The following ARHGEF10 variants were observed in gnomAD, a reference collection of about 807,000 sequenced individuals.
ARHGEF10 encodes Rho guanine nucleotide exchange factor (GEF) 10.
A neutral mutation model predicts 147.4 loss-of-function variants in ARHGEF10; 140 were observed. That is an observed-to-expected ratio of 0.95 (90% CI 0.83 to 1.09). ARHGEF10 has a LOEUF of 1.09. Among genes scored for constraint, ARHGEF10 ranks in the 50% least tolerant of loss-of-function variants. The pLI, the probability that ARHGEF10 is intolerant of heterozygous loss-of-function variation, is 0.00. For synonymous variants in ARHGEF10, 902 were observed against 695.8 expected (o/e 1.30, Z -4.67); for missense variants, 2,222 against 1,752.7 (o/e 1.27, Z -4.78).
Position 1,885,625 on chromosome 8 carries a change from A to G in ARHGEF10, c.1100A>G (p.Glu367Gly). The change falls in exon 11 of 29, where the codon GAA becomes GGA. Residue 367 changes from glutamate (E) to glycine (G), a missense_variant. Coordinates refer to ENST00000349830, the MANE Select transcript of ARHGEF10 (RefSeq NM_014629.4). ...AQDHRSSLEE[E>G]QNLFIDVDCK... Reference sequence around the variant, plus strand: ...GATCACAGATCTTCTCTTGAGGAAGAACAGAATTTGTTCATTGATGTTGAC... The same window carrying G: ...GATCACAGATCTTCTCTTGAGGAAGGACAGAATTTGTTCATTGATGTTGAC... 1.2e-6 allele frequency: 2 copies of G among 1,613,872 alleles called. No homozygotes were observed. The highest frequency in any genetic ancestry group is 1.3e-5 in the African/African-American group (1 of 75,018).
rs201614564 is a variant in ARHGEF10 at position 1,888,172 on chromosome 8, A to G, written c.1182+2465A>G. On this transcript the variant is annotated intron_variant, in intron 11 of 28. Coordinates refer to ENST00000349830, the MANE Select transcript of ARHGEF10 (RefSeq NM_014629.4). Reference sequence around the variant, plus strand: ...AGTGGGGCGAGGGTTGCGAGGAGACAGTGAGTGGGGTGAGGGTTTGCGAGG... The same window carrying G: ...AGTGGGGCGAGGGTTGCGAGGAGACGGTGAGTGGGGTGAGGGTTTGCGAGG... Among the ~76,000 whole-genome samples the G allele has an allele frequency of 7.7e-5, 3 of 38,920 alleles. 1 individual carries two copies. The highest frequency in any genetic ancestry group is 5.7e-4 in the African/African-American group (3 of 5,258). 25.5% of individuals were successfully genotyped at this position (38,920 alleles called of 152,430 possible). A position where few individuals can be genotyped will look rare whatever the true frequency, so the allele number is the denominator to read the frequency against.
intron 18 of ARHGEF10, among the ~76,000 whole-genome samples, chr8:1,910,020 T>G (rs1563271701): frequency 2.0e-5 from 3 of 152,206 alleles, no homozygotes; most frequent in Admixed American, 6.5e-5. Flanking sequence ...TGATTTATGA[T>G]TATTATTACC....
chr8:1,839,322 TG>T (rs1479746933), intron 1 of ARHGEF10, among the ~76,000 whole-genome samples: 1 of 145,356 alleles, frequency 6.9e-6, no homozygotes, highest in Admixed American at 6.8e-5. Flanking sequence ...CTGTCTGGTG[TG>T]GGGACTGTCT....
At chr8:1,898,562 C>T (rs577217468) in intron 15 of ARHGEF10, 37 bp downstream of exon 15, 2 of 1,590,706 alleles carry the variant, frequency 1.3e-6, no homozygotes, top group African/African-American at 2.7e-5. Flanking sequence ...AGCTAGTCCT[C>T]TGGCTCGCCC....
At chr8:1,888,132 TGCGAGGAGACAC>T (rs1808882696) in intron 11 of ARHGEF10, among the ~76,000 whole-genome samples, 2 of 82,646 alleles carry the variant, frequency 2.4e-5, no homozygotes, top group East Asian at 1.1e-3. Flanking sequence ...GGTGAGGGTT[TGCGAGGAGACAC>T]TTAGTGGGGC....
intron 17 of ARHGEF10, among the ~76,000 whole-genome samples, chr8:1,906,198 G>C (rs1810877216): frequency 1.3e-5 from 2 of 152,206 alleles, no homozygotes; most frequent in South Asian, 4.1e-4. Flanking sequence ...ATTGTAGTGA[G>C]ATGAGGATAT....
chr8:1,832,629 GAC>G (rs1213962953), intron 1 of ARHGEF10, among the ~76,000 whole-genome samples: 2 of 106,948 alleles, frequency 1.9e-5, no homozygotes, highest in African/African-American at 3.7e-5. Context: ...GGCAGAGAGA[GAC>G]AGAGGCAGAG....
chr8:1,913,409 A>G (rs1464335360), intron 18 of ARHGEF10, among the ~76,000 whole-genome samples: 1 of 152,220 alleles, frequency 6.6e-6, no homozygotes, highest in East Asian at 1.9e-4. Flanking sequence ...TTGAAAGGAA[A>G]CACTCCTTCA....
intron 14 of ARHGEF10, 58 bp from the exon 15 acceptor site, chr8:1,898,375 G>A (rs1043791820): frequency 6.6e-7 from 1 of 1,506,514 alleles, no homozygotes; most frequent in African/African-American, 1.4e-5. Flanking sequence ...GGCGGCCCCA[G>A]GGGCAGGGAG....
intron 11 of ARHGEF10, among the ~76,000 whole-genome samples, chr8:1,888,134 C>CTGAGTGGGGCTGTAGGTTCT (rs1563233503): frequency 1.5e-5 from 1 of 68,562 alleles, no homozygotes; most frequent in Admixed American, 1.3e-4. Context: ...TGAGGGTTTG[C>CTGAGTGGGGCTGTAGGTTCT]GAGGAGACAC....
chr8:1,863,379 C>T (rs1037486182), intron 4 of ARHGEF10, among the ~76,000 whole-genome samples: 3 of 152,234 alleles, frequency 2.0e-5, no homozygotes, highest in Admixed American at 6.5e-5. Context: ...CAGGTTACAT[C>T]GAGCTCAGCT....
In ARHGEF10 at chr8:1,923,774, A is replaced by T; in HGVS notation, c.2388A>T (p.Lys796Asn). The change falls in exon 21 of 29, where the codon AAA becomes AAT. Residue 796 changes from lysine to asparagine, a missense_variant and splice_region_variant. Lys to Asn is a moderately conservative substitution (Grantham distance 94, BLOSUM62 0). Coordinates refer to ENST00000349830, the MANE Select transcript of ARHGEF10 (RefSeq NM_014629.4). ...AATGCTTGTCTGTTGTTTCTGGCAG[A>T]TCTGGGCGACCGACGTTCTTTACAG... is the stretch of plus-strand genomic sequence containing the variant. ...IQLQLPGKQD[K>N]SGRPTFFTAV... 6.2e-7 allele frequency: 1 copy of T among 1,614,160 alleles called. No homozygotes were observed. The highest frequency in any genetic ancestry group is 8.5e-7 in the Non-Finnish European group (1 of 1,180,026).
chr8:1,903,672 G>T (rs1244207484), intron 16 of ARHGEF10: 4 of 619,430 alleles, frequency 6.5e-6, no homozygotes, highest in Non-Finnish European at 1.1e-5. Context: ...TCTTAGGAAA[G>T]AGATTCATAC....
chr8:1,933,440 T>C (rs561046419), intron 25 of ARHGEF10, among the ~76,000 whole-genome samples: 4 of 151,992 alleles, frequency 2.6e-5, no homozygotes, highest in Non-Finnish European at 5.9e-5. Context: ...TTTTTAACTT[T>C]TGATACAACC....
At chr8:1,920,984 C>G (rs999490506) in intron 18 of ARHGEF10, among the ~76,000 whole-genome samples, 2 of 152,136 alleles carry the variant, frequency 1.3e-5, no homozygotes, top group Admixed American at 1.3e-4. Context: ...CGGGGTTTCT[C>G]CATGTTGATC....
At chr8:1,945,424 A>G (rs1191923390) in intron 26 of ARHGEF10, 57 bp from the exon 27 acceptor site, 4 of 1,544,914 alleles carry the variant, frequency 2.6e-6, no homozygotes, top group Non-Finnish European at 3.5e-6. Flanking sequence ...TGGACCCAAC[A>G]GGCCCCACTC....
At chr8:1,885,803 G>A in intron 11 of ARHGEF10, 96 bp downstream of exon 11, 3 of 1,007,066 alleles carry the variant, frequency 3.0e-6, no homozygotes, top group Admixed American at 1.9e-5. Flanking sequence ...AATATTTGCT[G>A]TCTCAAACTC....
intron 28 of ARHGEF10, among the ~76,000 whole-genome samples, chr8:1,954,375 C>T (rs548189664): frequency 1.8e-4 from 27 of 152,094 alleles, no homozygotes; most frequent in African/African-American, 6.0e-4. Context: ...TCTGTGTCGA[C>T]GTGATGCTGA....
Position 1,957,384 on chromosome 8 carries a change from G to C in ARHGEF10, c.*121G>C. 6 of 1,415,238 alleles carry C rather than the reference G, an allele frequency of 4.2e-6. No individual in the cohort carries two copies. Among genetic ancestry groups the C allele is most frequent in the Non-Finnish European group, 5.7e-6 (6 of 1,045,714 alleles). The allele number at this position is 1,415,238 out of a possible 1,614,324, so 87.7% of individuals were successfully genotyped here. A position where few individuals can be genotyped will look rare whatever the true frequency, so the allele number is the denominator to read the frequency against. ...TGGGAATAAATTAAAAACAGTATTTGGGGGAGAAACGTGCAATAGCGTAAT... is the reference window on the plus strand; with the variant it reads ...TGGGAATAAATTAAAAACAGTATTTCGGGGAGAAACGTGCAATAGCGTAAT... On this transcript the variant is annotated 3_prime_UTR_variant, in exon 29 of 29. Coordinates refer to ENST00000349830, the MANE Select transcript of ARHGEF10 (RefSeq NM_014629.4).
Sources: gnomAD v4.1 joint callset for allele counts (sites outside exome capture counted in the v4.1 genomes callset) on GRCh38, gnomAD v4.1.1 for gene constraint, MANE v1.5 for transcripts, NCBI Gene and HGNC (gene_info 2026-07-23, HGNC 2026-07-21) for gene names.